LIMK2: variants seen among roughly 807,000 people sequenced by gnomAD.
LIMK2 encodes LIM domain kinase 2.
A neutral mutation model predicts 75.7 loss-of-function variants in LIMK2; 35 were observed. That is an observed-to-expected ratio of 0.46 (90% CI 0.35 to 0.61). The LOEUF is 0.61. Ranked by LOEUF, LIMK2 falls within the 20% of genes least tolerant of loss-of-function variation. LIMK2 has a pLI of 0.00. For synonymous variants in LIMK2, 301 were observed against 319.2 expected, an observed-to-expected ratio of 0.94 and a Z score of 0.61; for missense variants, 623 against 831.0, an observed-to-expected ratio of 0.75 and a Z score of 3.08.
chr22:31,254,834 C>T (rs2048761386), intron 2 of LIMK2, among the ~76,000 whole-genome samples: 1 of 152,022 alleles, frequency 6.6e-6, no homozygotes, highest in African/African-American at 2.4e-5. Context: ...TGGCATGCGC[C>T]AGTAATCCCA....
At chr22:31,212,862 A>G (rs935589749) in intron 1 of LIMK2, among the ~76,000 whole-genome samples, 3 of 152,114 alleles carry the variant, frequency 2.0e-5, no homozygotes, top group Admixed American at 1.3e-4. Flanking sequence ...GTTCAGGACA[A>G]TTAGGAGAGT....
intron 2 of LIMK2, among the ~76,000 whole-genome samples, chr22:31,231,346 C>T (rs564763858): frequency 6.6e-6 from 1 of 152,334 alleles, no homozygotes; most frequent in East Asian, 1.9e-4. Flanking sequence ...GCAACCCTGC[C>T]ATCTGCTGTT....
rs1240016872 is a variant in LIMK2, at chr22:31,269,474, A to G, written c.1317+1274A>G. On this transcript the variant is annotated intron_variant, in intron 11 of 15. Transcript: ENST00000331728. ...AAGCTTAAGAGCTGTGGTTTTTCCA[A>G]AATGAGTCTGGGCTGGCACAGTGGC... Among the ~76,000 whole-genome samples the G allele has an allele frequency of 2.6e-5, 4 of 151,988 alleles. No homozygotes were observed. The South Asian group carries it at 6.2e-4, about 24-fold the overall frequency.
chr22:31,223,441 A>T (rs1363052747), intron 1 of LIMK2, among the ~76,000 whole-genome samples: 3 of 152,198 alleles, frequency 2.0e-5, no homozygotes, highest in Non-Finnish European at 4.4e-5. Context: ...CAGGTTACAG[A>T]CTTAATTTTG....
chr22:31,258,515 T>A, intron 3 of LIMK2, 89 bp downstream of exon 3: 1 of 1,369,518 alleles, frequency 7.3e-7, no homozygotes. Context: ...AATCTTTTAG[T>A]CTTTCCATCA....
intron 2 of LIMK2, among the ~76,000 whole-genome samples, chr22:31,253,580 T>C (rs2123824317): frequency 6.6e-6 from 1 of 152,336 alleles, no homozygotes; most frequent in South Asian, 2.1e-4. Context: ...AGCTTCCTTA[T>C]TTTCACAGGT....
At chr22:31,247,688 A>C (rs1157231442) in intron 2 of LIMK2, among the ~76,000 whole-genome samples, 1 of 152,204 alleles carries the variant, frequency 6.6e-6, no homozygotes, top group Non-Finnish European at 1.5e-5. Flanking sequence ...ACCTTGAGTG[A>C]GTTACCTAAT....
chr22:31,225,997 A>G lies in LIMK2; in HGVS notation c.116+178A>G, dbSNP rs535721701. On this transcript the variant is annotated intron_variant, in intron 2 of 15. Transcript: ENST00000331728. ...CCTCAAGTGTGGCCCCCCTGAACCC[A>G]GGTTAAATTGGAAGAGCCATAAATG... is the stretch of plus-strand genomic sequence containing the variant. Among the ~76,000 whole-genome samples the G allele has an allele frequency of 1.3e-4, 20 of 152,254 alleles. No homozygotes were observed. In the East Asian group the frequency reaches 2.9e-3, roughly 22 times the overall value.
At chr22:31,246,183 G>GCATACA (rs1555886280) in intron 2 of LIMK2, among the ~76,000 whole-genome samples, 2 of 134,994 alleles carry the variant, frequency 1.5e-5, no homozygotes, top group Non-Finnish European at 1.6e-5. Context: ...ACGCACGCAC[G>GCATACA]CACACACACA....
At chr22:31,235,917 A>C (rs932749266) in intron 2 of LIMK2, among the ~76,000 whole-genome samples, 1 of 152,258 alleles carries the variant, frequency 6.6e-6, no homozygotes, top group African/African-American at 2.4e-5. Flanking sequence ...CAGATTGCTT[A>C]GTTTCAAATC....
intron 5 of LIMK2, among the ~76,000 whole-genome samples, chr22:31,260,502 G>A (rs533064324): frequency 5.3e-5 from 8 of 152,290 alleles, no homozygotes; most frequent in South Asian, 2.1e-4. Flanking sequence ...TTTGTCAGTC[G>A]AGAGAATGAA....
At chr22:31,234,879 G>A (rs1169745324) in intron 2 of LIMK2, among the ~76,000 whole-genome samples, 1 of 151,858 alleles carries the variant, frequency 6.6e-6, no homozygotes, top group Non-Finnish European at 1.5e-5. Flanking sequence ...TGTTCATTCT[G>A]CTCCCTCTGC....
intron 2 of LIMK2, among the ~76,000 whole-genome samples, chr22:31,251,170 AAG>A (rs2048722223): frequency 1.3e-5 from 2 of 152,240 alleles, no homozygotes; most frequent in South Asian, 4.1e-4. Context: ...GAATTTACAA[AAG>A]AGGTAAATTA....
In LIMK2 at chr22:31,225,302, A is replaced by G. The variant is rs1350163187; in HGVS notation, c.17-418A>G. Among the ~76,000 whole-genome samples the G allele has an allele frequency of 2.6e-5, 4 of 152,220 alleles. 1 individual carries two copies. The highest frequency in any genetic ancestry group is 2.0e-4 in the Admixed American group (3 of 15,276). ...TTGAGGAATAGGAAAAGGCAGTAAC[A>G]TGTTTAACCCAGAGAGAAGTTTCTG... On this transcript the variant is annotated intron_variant, in intron 1 of 15. Transcript: ENST00000331728.
intron 11 of LIMK2, among the ~76,000 whole-genome samples, chr22:31,269,132 A>T (rs1315706707): frequency 6.6e-6 from 1 of 151,358 alleles, no homozygotes; most frequent in African/African-American, 2.4e-5. Flanking sequence ...TTGAGAAAGG[A>T]TATTGCTCTG....
chr22:31,273,412 G>T, intron 13 of LIMK2, 40 bp from the exon 14 acceptor site: 1 of 1,569,884 alleles, frequency 6.4e-7, no homozygotes, highest in South Asian at 1.1e-5. Context: ...AGCAGGTAAG[G>T]GATGTAAACT....
chr22:31,245,613 T>G (rs2048661051), intron 2 of LIMK2, among the ~76,000 whole-genome samples: 1 of 150,920 alleles, frequency 6.6e-6, no homozygotes, highest in South Asian at 2.1e-4. Flanking sequence ...GATTGACTGA[T>G]TTTTTTAGTA....
In LIMK2 at chr22:31,262,344, T is replaced by C. The variant is rs1302114842; in HGVS notation, c.657+105T>C. The C allele has an allele frequency of 1.0e-6, 1 of 967,040 alleles. No individual in the cohort carries two copies. Among genetic ancestry groups the C allele is most frequent in the Non-Finnish European group, 1.6e-6 (1 of 612,472 alleles). The allele number at this position is 967,040 out of a possible 1,614,324, so 59.9% of individuals were successfully genotyped here. A position where few individuals can be genotyped will look rare whatever the true frequency, so the allele number is the denominator to read the frequency against. On this transcript the variant is annotated intron_variant, in intron 6 of 15. Coordinates refer to ENST00000331728, the MANE Select transcript of LIMK2 (RefSeq NM_005569.4). The surrounding 1 kb of genome is among the most constrained non-coding windows in gnomAD (Gnocchi z 5.0). ...TTTTCCTACCCCCAGCCCATCTCTT[T>C]GTCTTAGCATTGAGCCTGTGACCAC... is the stretch of plus-strand genomic sequence containing the variant.
intron 2 of LIMK2, among the ~76,000 whole-genome samples, chr22:31,247,718 CT>C (rs2048683964): frequency 1.3e-5 from 2 of 152,174 alleles, no homozygotes; most frequent in African/African-American, 4.8e-5. Flanking sequence ...CCTCACTTTT[CT>C]TGTCTGTAGA....
Sources: gnomAD v4.1 joint callset for allele counts (sites outside exome capture counted in the v4.1 genomes callset) on GRCh38, gnomAD v4.1.1 for gene constraint, Gnocchi (gnomAD v3.1) non-coding constraint, MANE v1.5 for transcripts, NCBI Gene and HGNC (gene_info 2026-07-23, HGNC 2026-07-21) for gene names.